NCBP3: variants seen among roughly 807,000 people sequenced by gnomAD.
NCBP3 encodes the protein nuclear cap binding subunit 3.
A neutral mutation model predicts 75.7 loss-of-function variants in NCBP3; 20 were observed. The ratio of observed to expected loss-of-function variants is 0.26; its 90% confidence interval spans 0.19 to 0.38. The LOEUF (loss-of-function observed/expected upper bound fraction) is 0.38, where lower values mean the gene tolerates loss of function less well. NCBP3 is among the 10% of genes least tolerant of loss of function. NCBP3 has a pLI of 1.00. For missense variants in NCBP3, 678 were observed against 796.9 expected (o/e 0.85, Z 1.80); for synonymous variants, 293 against 290.5 (o/e 1.01, Z -0.09).
At chr17:3,845,340 C>G (rs2054142754) in intron 1 of NCBP3, among the ~76,000 whole-genome samples, 1 of 152,162 alleles carries the variant, frequency 6.6e-6, no homozygotes, top group African/African-American at 2.4e-5. Flanking sequence ...AGGCCTGAAA[C>G]CAGCTCTGAG....
chr17:3,839,559 G>A (rs1158443974), intron 3 of NCBP3, among the ~76,000 whole-genome samples: 5 of 152,178 alleles, frequency 3.3e-5, no homozygotes, highest in African/African-American at 1.2e-4. Context: ...TGTTGGCCAG[G>A]TTGGTCTCAA....
At chr17:3,830,540 G>A (rs2053858989) in intron 3 of NCBP3, among the ~76,000 whole-genome samples, 1 of 152,236 alleles carries the variant, frequency 6.6e-6, no homozygotes, top group South Asian at 2.1e-4. Context: ...TGAGGAGGCA[G>A]AAAGGTTGAA....
intron 3 of NCBP3, among the ~76,000 whole-genome samples, chr17:3,837,395 G>A (rs909811670): frequency 5.9e-5 from 9 of 151,618 alleles, no homozygotes; most frequent in African/African-American, 1.9e-4. Context: ...TACTCAGGAG[G>A]CTGAAGCAGG....
At chr17:3,842,946 T>TA in intron 2 of NCBP3, 140 bp downstream of exon 2, 1 of 759,200 alleles carries the variant, frequency 1.3e-6, no homozygotes, top group Non-Finnish European at 2.1e-6. Flanking sequence ...GCCTGGCCAA[T>TA]AACACAATTT....
At position 3,818,334 on chromosome 17, in the gene NCBP3, C is replaced by T. The variant is rs772440375; in HGVS notation, c.1239G>A (p.Thr413=). The part of the protein sequence containing the change: ...DYDLELKMIS[T]PSPKKSMKMT... ...TTTTCATGCTTTTCTTTGGTGAAGG[C>T]GTGGAAATCATTTTCAGTTCTAGAT... The change falls in exon 10 of 13, where the codon ACG becomes ACA. Residue 413 remains threonine (T), a synonymous_variant. Coordinates refer to ENST00000389005, the MANE Select transcript of NCBP3 (RefSeq NM_001114118.3). This position sits in a 1 kb window ranked among gnomAD's most constrained non-coding sequence, Gnocchi z 4.7. The T allele has an allele frequency of 1.4e-5, 22 of 1,613,878 alleles. No homozygotes were observed. In the African/African-American group the frequency reaches 2.4e-4, roughly 18 times the overall value.
chr17:3,840,312 TAAGC>T lies in NCBP3; in HGVS notation c.250-111_250-108del. 4 of 815,266 alleles carry T rather than the reference TAAGC, an allele frequency of 4.9e-6. No homozygotes were observed. The South Asian group carries it at 6.1e-5, about 12-fold the overall frequency. The allele number at this position is 815,266 out of a possible 1,614,324, so 50.5% of individuals were successfully genotyped here. On this transcript the variant is annotated intron_variant, in intron 2 of 12. Transcript: ENST00000389005. ...CAAACCTGAACTAAAAAAGAAGAAA[TAAGC>T]AACACTACACCTTGAATCAGTCTGG...
chr17:3,835,898 G>C (rs2053964468), intron 3 of NCBP3, among the ~76,000 whole-genome samples: 1 of 152,188 alleles, frequency 6.6e-6, no homozygotes, highest in Non-Finnish European at 1.5e-5. Context: ...AGAGCAGTTA[G>C]GAACACACGT....
In NCBP3 at chr17:3,814,467, T is replaced by C. The variant is rs755178793; in HGVS notation, c.1482A>G (p.Leu494=). Residue 494 remains leucine, a synonymous_variant, in exon 12 of 13, where the codon TTA becomes TTG. Transcript: ENST00000389005. The part of the protein sequence containing the change: ...SSTKSDIRQR[L]GKRPHSPEKA... The stretch of plus-strand genomic sequence containing the variant: ...TTTCCGGAGAATGTGGTCTTTTTCC[T>C]AACCGCTGGCGTATATCTGAAAAAA... The C allele has an allele frequency of 1.2e-6, 2 of 1,614,186 alleles. No individual in the cohort carries two copies. Among genetic ancestry groups the C allele is most frequent in the Admixed American group, 1.7e-5 (1 of 60,024 alleles).
chr17:3,837,763 A>C (rs759653398), intron 3 of NCBP3, among the ~76,000 whole-genome samples: 1 of 150,894 alleles, frequency 6.6e-6, no homozygotes, highest in Non-Finnish European at 1.5e-5. Context: ...AAAGAAAACC[A>C]GTAACTATCC....
chr17:3,812,897 A>C lies in NCBP3; in HGVS notation c.*147T>G. 6.9e-7 allele frequency: 1 copy of C among 1,459,136 alleles called. No homozygotes were observed. Among genetic ancestry groups the C allele is most frequent in the Non-Finnish European group, 9.0e-7 (1 of 1,109,278 alleles). 90.4% of individuals were successfully genotyped at this position (1,459,136 alleles called of 1,614,324 possible). A position where few individuals can be genotyped will look rare whatever the true frequency, so the allele number is the denominator to read the frequency against. On this transcript the variant is annotated 3_prime_UTR_variant, in exon 13 of 13. Coordinates refer to ENST00000389005, the MANE Select transcript of NCBP3 (RefSeq NM_001114118.3). The stretch of plus-strand genomic sequence containing the variant: ...CTTGAAAATGTGTCACATTCTTAAG[A>C]TGTCTTGCCGAAGTAGCAAGAGCGG...
chr17:3,818,601 GA>G lies in NCBP3; in HGVS notation c.1001-30del. 1 of 1,569,276 alleles carries G rather than the reference GA, an allele frequency of 6.4e-7. No individual in the cohort carries two copies. Among genetic ancestry groups the G allele is most frequent in the Non-Finnish European group, 8.6e-7 (1 of 1,164,392 alleles). On this transcript the variant is annotated intron_variant, in intron 9 of 12. Transcript: ENST00000389005. The surrounding 1 kb of genome is among the most constrained non-coding windows in gnomAD (Gnocchi z 4.7). ...AAGAAATTTAACCAGAAAACATTAG[GA>G]AAAGCACTAAAATTAACAAGTATGA...
At position 3,808,832 on chromosome 17, in the gene NCBP3, C is replaced by G. The variant is rs574908308; in HGVS notation, c.*4212G>C. 6.6e-6 allele frequency: 1 copy of G among 151,944 alleles called. No individual in the cohort carries two copies. The highest frequency in any genetic ancestry group is 2.4e-5 in the African/African-American group (1 of 41,346). The allele number at this position is 151,944 out of a possible 1,614,324, so 9.4% of individuals were successfully genotyped here. On this transcript the variant is annotated 3_prime_UTR_variant, in exon 13 of 13. Coordinates refer to ENST00000389005, the MANE Select transcript of NCBP3 (RefSeq NM_001114118.3). ...ACAGCCTTGAATTACTGGGCTCATG[C>G]GATCAGGAGTGTGGAATTTATTCTC...
rs564101465 is a variant in NCBP3, at chr17:3,830,657, G to A, written c.356-1289C>T. Among the ~76,000 whole-genome samples the A allele has an allele frequency of 6.6e-5, 10 of 152,266 alleles. No individual in the cohort carries two copies. The East Asian group carries it at 1.2e-3, about 18-fold the overall frequency. On this transcript the variant is annotated intron_variant, in intron 3 of 12. Transcript: ENST00000389005. ...GGCTGGAGTGCAGTGGCACGATCTC[G>A]GCTCACTGCAACCTCCGCCTTCTGG...
intron 3 of NCBP3, among the ~76,000 whole-genome samples, chr17:3,829,712 A>G (rs1379315245): frequency 1.3e-5 from 2 of 152,214 alleles, no homozygotes; most frequent in Non-Finnish European, 2.9e-5. Context: ...AGCTGCTTCT[A>G]AAATTTTTAA....
chr17:3,822,079 A>G (rs1466627971), intron 7 of NCBP3, 27 bp from the exon 8 acceptor site: 1 of 1,443,428 alleles, frequency 6.9e-7, no homozygotes, highest in East Asian at 2.3e-5. Context: ...ATAGTTACCT[A>G]GGATTTCCTG....
chr17:3,821,217 TG>T (rs775529835), intron 9 of NCBP3, 31 bp downstream of exon 9: 3 of 1,466,934 alleles, frequency 2.0e-6, no homozygotes, highest in South Asian at 2.3e-5. Context: ...GAGCCAAACA[TG>T]TGTCTACCCA....
intron 2 of NCBP3, among the ~76,000 whole-genome samples, chr17:3,840,599 A>G (rs2054047171): frequency 1.3e-5 from 2 of 152,242 alleles, no homozygotes; most frequent in Admixed American, 6.5e-5. Context: ...AAATGGAGGC[A>G]CAAAAAAGCA....
At chr17:3,829,412 C>G in intron 3 of NCBP3, 44 bp from the exon 4 acceptor site, 1 of 1,543,986 alleles carries the variant, frequency 6.5e-7, no homozygotes, top group African/African-American at 1.4e-5. Context: ...TTTTCCTGTC[C>G]GCAACTGCAC....
At position 3,810,698 on chromosome 17, in the gene NCBP3, A is replaced by C. The variant is rs768100679; in HGVS notation, c.*2346T>G. 6.6e-6 allele frequency: 1 copy of C among 152,132 alleles called. No individual in the cohort carries two copies. The highest frequency in any genetic ancestry group is 1.5e-5 in the Non-Finnish European group (1 of 68,032). The allele number at this position is 152,132 out of a possible 1,614,324, so 9.4% of individuals were successfully genotyped here. On this transcript the variant is annotated 3_prime_UTR_variant, in exon 13 of 13. Coordinates refer to ENST00000389005, the MANE Select transcript of NCBP3 (RefSeq NM_001114118.3). Reference sequence around the variant, plus strand: ...AAGGCCAGTAACTCCGAGAAGTAAAAATCTTTAAAGCTGCCTTTCTGGGTT... The same window carrying C: ...AAGGCCAGTAACTCCGAGAAGTAAACATCTTTAAAGCTGCCTTTCTGGGTT...
Sources: allele counts gnomAD v4.1 joint callset (sites outside exome capture counted in the v4.1 genomes callset), GRCh38; gene constraint gnomAD v4.1.1; non-coding constraint Gnocchi (gnomAD v3.1); transcripts MANE v1.5; gene names NCBI Gene and HGNC (gene_info 2026-07-23, HGNC 2026-07-21).